ATP2C2: variants seen among roughly 807,000 people sequenced by gnomAD.
The protein encoded by ATP2C2 is calcium-transporting ATPase type 2C member 2.
A neutral mutation model predicts 110.8 loss-of-function variants in ATP2C2; 171 were observed. The observed-to-expected ratio is 1.54, with a 90% CI of 1.36 to 1.75. The LOEUF is 1.75. Ranked by LOEUF, ATP2C2 falls within the 40% of genes most tolerant of loss-of-function variation. The pLI, the probability that ATP2C2 is intolerant of heterozygous loss-of-function variation, is 0.00. For synonymous variants in ATP2C2, 804 were observed against 508.4 expected, an observed-to-expected ratio of 1.58 and a Z score of -7.82; for missense variants, 1,963 against 1,235.0, an observed-to-expected ratio of 1.59 and a Z score of -8.84.
At chr16:84,397,664 A>AAAAAAAAAAAAAAAAAAAAAAAC (rs1567694767) in intron 1 of ATP2C2, among the ~76,000 whole-genome samples, 1 of 147,594 alleles carries the variant, frequency 6.8e-6, no homozygotes, top group Non-Finnish European at 1.5e-5. Context: ...ACAAAAAAAA[A>AAAAAAAAAAAAAAAAAAAAAAAC]AAAAAAAAAC....
chr16:84,444,175 AAAAAAAAAAC>A (rs1411151784), intron 15 of ATP2C2, among the ~76,000 whole-genome samples: 5 of 151,230 alleles, frequency 3.3e-5, no homozygotes, highest in East Asian at 1.9e-4. Flanking sequence ...AAAAAAAAAA[AAAAAAAAAAC>A]AAAAAGATTG....
At chr16:84,404,140 T>C (rs200987836) in intron 2 of ATP2C2, among the ~76,000 whole-genome samples, 3 of 152,332 alleles carry the variant, frequency 2.0e-5, no homozygotes, top group East Asian at 3.9e-4. Flanking sequence ...ATCCCCACGT[T>C]CAGGTACGTG....
intron 2 of ATP2C2, among the ~76,000 whole-genome samples, chr16:84,403,799 T>C (rs1905511958): frequency 6.6e-6 from 1 of 152,068 alleles, no homozygotes; most frequent in Non-Finnish European, 1.5e-5. Context: ...CAAGCGATTC[T>C]CCTGCCTCAG....
chr16:84,451,585 C>T (rs1222681167), intron 17 of ATP2C2, among the ~76,000 whole-genome samples: 3 of 152,196 alleles, frequency 2.0e-5, no homozygotes, highest in African/African-American at 7.2e-5. Flanking sequence ...CACCTGTAAT[C>T]CCAGCACTTG....
intron 2 of ATP2C2, among the ~76,000 whole-genome samples, chr16:84,401,873 A>G (rs561502554): frequency 2.0e-5 from 3 of 152,180 alleles, no homozygotes; most frequent in East Asian, 1.9e-4. Context: ...TAAGAATGTC[A>G]TTGTTATTTT....
intron 3 of ATP2C2, among the ~76,000 whole-genome samples, chr16:84,406,022 A>G (rs911303358): frequency 2.6e-5 from 4 of 152,240 alleles, no homozygotes; most frequent in Non-Finnish European, 5.9e-5. Context: ...ACTAAAAACA[A>G]AAAGTTCCTT....
chr16:84,446,987 C>T (rs549037462), intron 16 of ATP2C2, among the ~76,000 whole-genome samples: 2 of 152,266 alleles, frequency 1.3e-5, no homozygotes, highest in Admixed American at 6.5e-5. Context: ...ACGTGTTGTC[C>T]CTGGCTAGAG....
intron 21 of ATP2C2, 73 bp downstream of exon 21, chr16:84,455,057 A>G (rs377629115): frequency 4.5e-6 from 6 of 1,330,014 alleles, no homozygotes; most frequent in Non-Finnish European, 6.2e-6. Context: ...GGAACCTGCT[A>G]CTGTGGAGAT....
chr16:84,463,638 C>T lies in ATP2C2; in HGVS notation c.2747C>T (p.Ala916Val), dbSNP rs774104811. The T allele has an allele frequency of 1.4e-5, 23 of 1,614,044 alleles. No homozygotes were observed. Among genetic ancestry groups the T allele is most frequent in the Non-Finnish European group, 1.9e-5 (22 of 1,179,998 alleles). The change falls in exon 27 of 27, where the codon GCC (alanine) becomes GTC (valine). Residue 916 changes from alanine to valine, a missense_variant. Physicochemically the swap from Ala to Val is moderately conservative, Grantham distance 64. Transcript: ENST00000262429. ...ALDLLFLTGL[A>V]SSVFILSELL... ...GATTTGCTGTTTTTAACTGGATTGG[C>T]CTCATCCGTCTTCATTTTGTCAGAG...
At chr16:84,401,059 G>A (rs1225607044) in intron 2 of ATP2C2, among the ~76,000 whole-genome samples, 3 of 152,044 alleles carry the variant, frequency 2.0e-5, no homozygotes, top group Non-Finnish European at 4.4e-5. Flanking sequence ...CTGTGCAGAA[G>A]CCTTTTAACT....
At chr16:84,429,901 C>G (rs1018709987) in intron 11 of ATP2C2, among the ~76,000 whole-genome samples, 2 of 152,108 alleles carry the variant, frequency 1.3e-5, no homozygotes, top group African/African-American at 4.8e-5. Flanking sequence ...CTTGAAGACC[C>G]TAGGGGGAGA....
chr16:84,423,076 C>T, intron 9 of ATP2C2, 112 bp from the exon 10 acceptor site: 1 of 845,062 alleles, frequency 1.2e-6, no homozygotes, highest in South Asian at 1.5e-5. Context: ...CATATGTGTA[C>T]CCCTGTGTAA....
At chr16:84,421,778 T>A (rs1907362410) in intron 7 of ATP2C2, among the ~76,000 whole-genome samples, 1 of 152,206 alleles carries the variant, frequency 6.6e-6, no homozygotes, top group Non-Finnish European at 1.5e-5. Context: ...ATGCTTCAGT[T>A]TCCCCATATG....
intron 11 of ATP2C2, 40 bp from the exon 12 acceptor site, chr16:84,439,126 T>G: frequency 1.2e-6 from 2 of 1,610,622 alleles, no homozygotes; most frequent in Non-Finnish European, 1.7e-6. Context: ...ACACACTCCT[T>G]AAATGTGTTA....
chr16:84,421,552 T>G (rs572839438), intron 7 of ATP2C2, among the ~76,000 whole-genome samples: 27 of 152,254 alleles, frequency 1.8e-4, no homozygotes, highest in African/African-American at 5.5e-4. Context: ...TCCCTAGGGA[T>G]AGGCCCACCC....
At chr16:84,421,839 G>T (rs1907367520) in intron 7 of ATP2C2, among the ~76,000 whole-genome samples, 1 of 152,154 alleles carries the variant, frequency 6.6e-6, no homozygotes, top group Non-Finnish European at 1.5e-5. Context: ...GAGTTCTGAG[G>T]GCTAAGCCTT....
intron 15 of ATP2C2, among the ~76,000 whole-genome samples, 165 bp downstream of exon 15, chr16:84,442,764 T>C (rs868566908): frequency 1.4e-5 from 2 of 143,952 alleles, no homozygotes; most frequent in East Asian, 3.9e-4. Flanking sequence ...GTGGAGGAGG[T>C]GAGCTCTGAG....
At chr16:84,420,775 T>G (rs984989918) in intron 7 of ATP2C2, among the ~76,000 whole-genome samples, 10 of 152,098 alleles carry the variant, frequency 6.6e-5, no homozygotes, top group Non-Finnish European at 1.0e-4. Flanking sequence ...GTTTCTGATG[T>G]TCCTTGTTTT....
intron 20 of ATP2C2, among the ~76,000 whole-genome samples, chr16:84,454,235 C>G (rs1008674611): frequency 1.3e-5 from 2 of 152,058 alleles, no homozygotes; most frequent in Non-Finnish European, 2.9e-5. Context: ...AAAGCCAGGC[C>G]CATGAATCTC....
Sources: gnomAD v4.1 joint callset for allele counts (sites outside exome capture counted in the v4.1 genomes callset) on GRCh38, gnomAD v4.1.1 for gene constraint, MANE v1.5 for transcripts, NCBI Gene and HGNC (gene_info 2026-07-23, HGNC 2026-07-21) for gene names.